The following AFG1L variants were observed in gnomAD, a reference collection of about 807,000 sequenced individuals.
AFG1L encodes the protein AFG1 like ATPase, also known as AFG1-like ATPase.
A neutral mutation model predicts 62.2 loss-of-function variants in AFG1L; 53 were observed. The observed-to-expected ratio is 0.85, with a 90% CI of 0.68 to 1.07. The LOEUF is 1.07. AFG1L is among the 50% of genes least tolerant of loss of function. The pLI, the probability that AFG1L is intolerant of heterozygous loss-of-function variation, is 0.00. For missense variants in AFG1L, 555 were observed against 590.5 expected, an observed-to-expected ratio of 0.94 and a Z score of 0.62; for synonymous variants, 228 against 210.3, an observed-to-expected ratio of 1.08 and a Z score of -0.73.
chr6:108,417,419 A>T (rs1770368683), intron 7 of AFG1L, among the ~76,000 whole-genome samples: 1 of 152,156 alleles, frequency 6.6e-6, no homozygotes, highest in African/African-American at 2.4e-5. Context: ...GACTTAAAAG[A>T]CAATTAAGTT....
chr6:108,488,863 A>G (rs982781834), intron 10 of AFG1L, among the ~76,000 whole-genome samples: 2 of 152,130 alleles, frequency 1.3e-5, no homozygotes, highest in African/African-American at 4.8e-5. Flanking sequence ...AGAAACAAAC[A>G]AACAAAAAAC....
intron 7 of AFG1L, among the ~76,000 whole-genome samples, chr6:108,408,711 T>C (rs917857787): frequency 6.6e-6 from 1 of 152,238 alleles, no homozygotes; most frequent in African/African-American, 2.4e-5. Context: ...TGTCCAGTGT[T>C]TTAGTTATTT....
intron 12 of AFG1L, chr6:108,520,295 A>G (rs1775075734): frequency 6.5e-6 from 1 of 153,292 alleles, no homozygotes; most frequent in African/African-American, 2.4e-5. Context: ...GCTTGAAAAG[A>G]AATCCCTAAC....
chr6:108,351,346 T>G (rs1779072982), intron 3 of AFG1L, among the ~76,000 whole-genome samples: 1 of 152,208 alleles, frequency 6.6e-6, no homozygotes, highest in East Asian at 1.9e-4. Flanking sequence ...GTGTATGTGG[T>G]CCATTGTTGA....
chr6:108,515,573 A>C (rs913998418), intron 11 of AFG1L, among the ~76,000 whole-genome samples: 11 of 152,226 alleles, frequency 7.2e-5, no homozygotes, highest in South Asian at 2.1e-4. Context: ...TGACACCCTA[A>C]CATCACAATT....
At chr6:108,391,064 T>A (rs1180963879) in intron 6 of AFG1L, among the ~76,000 whole-genome samples, 3 of 152,238 alleles carry the variant, frequency 2.0e-5, no homozygotes, top group African/African-American at 7.2e-5. Flanking sequence ...TTGCGAATTG[T>A]GCTGCTATAA....
chr6:108,306,110 GC>G (rs1777188517), intron 1 of AFG1L, among the ~76,000 whole-genome samples: 1 of 152,086 alleles, frequency 6.6e-6, no homozygotes, highest in Non-Finnish European at 1.5e-5. Flanking sequence ...TGCCATATTG[GC>G]CAGGCTAGCC....
At chr6:108,459,373 T>C (rs1772369650) in intron 8 of AFG1L, among the ~76,000 whole-genome samples, 1 of 152,196 alleles carries the variant, frequency 6.6e-6, no homozygotes, top group African/African-American at 2.4e-5. Flanking sequence ...AGGCAGTAAA[T>C]TGAGGCTGAA....
At chr6:108,421,635 C>A (rs1052833576) in intron 7 of AFG1L, among the ~76,000 whole-genome samples, 2 of 152,050 alleles carry the variant, frequency 1.3e-5, no homozygotes, top group Admixed American at 6.6e-5. Context: ...CTGCACCCCC[C>A]CTGTCTGCTT....
At chr6:108,384,838 G>A (rs1490652394) in intron 6 of AFG1L, among the ~76,000 whole-genome samples, 1 of 152,056 alleles carries the variant, frequency 6.6e-6, no homozygotes, top group Non-Finnish European at 1.5e-5. Context: ...GCAGAATGGA[G>A]ATAACAGAGG....
intron 10 of AFG1L, among the ~76,000 whole-genome samples, chr6:108,500,414 T>C (rs765676903): frequency 1.8e-4 from 28 of 152,168 alleles, no homozygotes; most frequent in Non-Finnish European, 3.7e-4. Context: ...AATCATCTTA[T>C]ATAACCCTGT....
intron 10 of AFG1L, among the ~76,000 whole-genome samples, chr6:108,504,000 C>G (rs528171485): frequency 6.6e-5 from 10 of 152,356 alleles, no homozygotes. Flanking sequence ...TGAAGAGAGT[C>G]AGGGCCTTGC....
Position 108,401,928 on chromosome 6 carries a change from A to C in AFG1L, c.749-68A>C. Reference sequence around the variant, plus strand: ...TAATCAGTAGAAAGCTTTATTTGCCAGGCTAAACGATAAATTAACATCATG... The same window carrying C: ...TAATCAGTAGAAAGCTTTATTTGCCCGGCTAAACGATAAATTAACATCATG... On this transcript the variant is annotated intron_variant, in intron 6 of 12. Coordinates refer to ENST00000368977, the MANE Select transcript of AFG1L (RefSeq NM_145315.5). 6 of 712,748 alleles carry C rather than the reference A, an allele frequency of 8.4e-6. No homozygotes were observed. The South Asian group carries it at 1.1e-4, about 13-fold the overall frequency. The allele number at this position is 712,748 out of a possible 1,614,324, so 44.2% of individuals were successfully genotyped here. A position where few individuals can be genotyped will look rare whatever the true frequency, so the allele number is the denominator to read the frequency against.
chr6:108,349,174 G>A (rs1463024738), intron 3 of AFG1L, among the ~76,000 whole-genome samples: 1 of 152,100 alleles, frequency 6.6e-6, no homozygotes, highest in Non-Finnish European at 1.5e-5. Flanking sequence ...AATAAGTTTA[G>A]TTCAGACCAC....
chr6:108,503,480 T>C (rs540582995), intron 10 of AFG1L, among the ~76,000 whole-genome samples: 10 of 152,170 alleles, frequency 6.6e-5, no homozygotes, highest in Non-Finnish European at 1.3e-4. Context: ...TTGAAAGAAG[T>C]CTTTTTTTCT....
intron 6 of AFG1L, among the ~76,000 whole-genome samples, chr6:108,383,716 C>T (rs1780642242): frequency 6.6e-6 from 1 of 152,106 alleles, no homozygotes; most frequent in South Asian, 2.1e-4. Context: ...TCAGTTGTAA[C>T]ACTGGTAATT....
chr6:108,431,778 T>G (rs531698786), intron 7 of AFG1L, among the ~76,000 whole-genome samples: 2 of 151,778 alleles, frequency 1.3e-5, no homozygotes, highest in East Asian at 3.9e-4. Flanking sequence ...GAGACGGGGT[T>G]TCACCATGTT....
At chr6:108,491,566 G>A (rs576891751) in intron 10 of AFG1L, among the ~76,000 whole-genome samples, 1 of 152,296 alleles carries the variant, frequency 6.6e-6, no homozygotes, top group South Asian at 2.1e-4. Context: ...AGAAAAAATA[G>A]TTCTAAATGT....
chr6:108,426,448 A>G (rs185010244), intron 7 of AFG1L, among the ~76,000 whole-genome samples: 241 of 152,334 alleles, frequency 1.6e-3, no homozygotes, highest in African/African-American at 4.8e-3. Flanking sequence ...GTTATAAAAA[A>G]GATCCTCAAA....
Sources: allele counts gnomAD v4.1 joint callset (sites outside exome capture counted in the v4.1 genomes callset), GRCh38; gene constraint gnomAD v4.1.1; transcripts MANE v1.5; gene names NCBI Gene and HGNC (gene_info 2026-07-23, HGNC 2026-07-21).